Variants in RIMS2 observed in about 807,000 individuals in gnomAD.
RIMS2 encodes regulating synaptic membrane exocytosis 2, also known as regulating synaptic membrane exocytosis protein 2.
A neutral mutation model predicts 174.4 loss-of-function variants in RIMS2; 59 were observed. That is an observed-to-expected ratio of 0.34 (90% CI 0.27 to 0.42). The LOEUF is 0.42. Among genes scored for constraint, RIMS2 ranks in the 10% least tolerant of loss-of-function variants. The pLI is 1.00. For synonymous variants in RIMS2, 606 were observed against 572.5 expected, an observed-to-expected ratio of 1.06 and a Z score of -0.84; for missense variants, 1,620 against 1,666.3, an observed-to-expected ratio of 0.97 and a Z score of 0.48.
intron 16 of RIMS2, among the ~76,000 whole-genome samples, chr8:103,988,812 G>A (rs2094516986): frequency 6.6e-6 from 1 of 152,118 alleles, no homozygotes; most frequent in Non-Finnish European, 1.5e-5. Flanking sequence ...GACTGGAGTG[G>A]TATCAAGGGA....
At chr8:103,849,006 T>C (rs1564901209) in intron 3 of RIMS2, among the ~76,000 whole-genome samples, 1 of 152,096 alleles carries the variant, frequency 6.6e-6, no homozygotes, top group Non-Finnish European at 1.5e-5. Context: ...AATGCATCCA[T>C]TTGGCATTCA....
intron 20 of RIMS2, among the ~76,000 whole-genome samples, chr8:104,246,370 GTTTCC>G (rs1429394060): frequency 1.3e-5 from 2 of 148,988 alleles, no homozygotes; most frequent in African/African-American, 5.0e-5. Flanking sequence ...CTTTTCTTTT[GTTTCC>G]TTTCCTTTCC....
chr8:103,976,123 A>G (rs1452208177), intron 16 of RIMS2: 1 of 152,238 alleles, frequency 6.6e-6, no homozygotes, highest in East Asian at 1.9e-4. Context: ...AATCATCAAA[A>G]TGGCATTACA....
chr8:103,936,533 C>T lies in RIMS2; in HGVS notation c.2376-18C>T, dbSNP rs1205649921. 3 of 1,485,028 alleles carry T rather than the reference C, an allele frequency of 2.0e-6. No individual in the cohort carries two copies. The African/African-American group carries it at 4.3e-5, about 21-fold the overall frequency. The allele number at this position is 1,485,028 out of a possible 1,614,324, so 92.0% of individuals were successfully genotyped here. A position where few individuals can be genotyped will look rare whatever the true frequency, so the allele number is the denominator to read the frequency against. On this transcript the variant is annotated intron_variant, in intron 12 of 23. Coordinates refer to ENST00000504942, the Ensembl canonical transcript of RIMS2. ...TATAGTTCTATGTAAGTTCATAATT[C>T]ATTGTTTTTTTCCATAGTGATAAAA...
chr8:103,824,177 A>T (rs1274915480), intron 3 of RIMS2, among the ~76,000 whole-genome samples: 1 of 152,040 alleles, frequency 6.6e-6, no homozygotes, highest in Non-Finnish European at 1.5e-5. Context: ...CATTTTCTTT[A>T]TTGAAAGAAG....
intron 19 of RIMS2, among the ~76,000 whole-genome samples, chr8:104,157,272 G>A (rs1390099064): frequency 6.6e-6 from 1 of 152,170 alleles, no homozygotes; most frequent in Non-Finnish European, 1.5e-5. Flanking sequence ...GGCTCGGCAT[G>A]TAGCTAAGAA....
chr8:104,033,621 T>G (rs1357361504), intron 19 of RIMS2, among the ~76,000 whole-genome samples: 1 of 152,060 alleles, frequency 6.6e-6, no homozygotes, highest in Non-Finnish European at 1.5e-5. Flanking sequence ...ATTATAGTTT[T>G]TTTTTTGTTT....
At chr8:103,680,856 A>G (rs1352487562) in intron 1 of RIMS2, among the ~76,000 whole-genome samples, 1 of 151,992 alleles carries the variant, frequency 6.6e-6, no homozygotes, top group Non-Finnish European at 1.5e-5. Context: ...AATGAGAGAA[A>G]ACTAGAATAT....
intron 2 of RIMS2, among the ~76,000 whole-genome samples, chr8:103,715,586 C>T (rs539360546): frequency 3.3e-5 from 5 of 152,034 alleles, no homozygotes; most frequent in Admixed American, 6.6e-5. Flanking sequence ...TCACTGTTAT[C>T]GTTACTTTAT....
At chr8:104,238,335 A>G (rs2099269637) in intron 19 of RIMS2, among the ~76,000 whole-genome samples, 1 of 152,054 alleles carries the variant, frequency 6.6e-6, no homozygotes, top group Non-Finnish European at 1.5e-5. Flanking sequence ...CATTAAGACA[A>G]ATACCTAATA....
chr8:104,138,636 G>A lies in RIMS2; in HGVS notation c.3335-106280G>A, dbSNP rs141444862. 2.0e-5 allele frequency among the ~76,000 whole-genome samples: 3 copies of A among 152,070 alleles called. No homozygotes were observed. In the East Asian group the frequency reaches 5.8e-4, roughly 29 times the overall value. On this transcript the variant is annotated intron_variant, in intron 19 of 23. Coordinates refer to ENST00000504942, the Ensembl canonical transcript of RIMS2. ...AAATTGGATTATTACATTTTTTCCT[G>A]TTGACTGAACTCCTTGTATATTCTG...
At chr8:104,122,398 A>C (rs2098387457) in intron 19 of RIMS2, among the ~76,000 whole-genome samples, 1 of 152,134 alleles carries the variant, frequency 6.6e-6, no homozygotes, top group Admixed American at 6.6e-5. Context: ...AGTTCCCTCA[A>C]ACATATAGGG....
chr8:103,682,199 C>T (rs777608710), intron 1 of RIMS2, among the ~76,000 whole-genome samples: 1 of 151,948 alleles, frequency 6.6e-6, no homozygotes, highest in Non-Finnish European at 1.5e-5. Context: ...GAGGAAAAGT[C>T]TGAACTAGAG....
Position 103,910,319 on chromosome 8 carries a change from A to G in RIMS2, c.1692+118A>G. The G allele has an allele frequency of 6.5e-7, 1 of 1,535,992 alleles. No individual in the cohort carries two copies. The highest frequency in any genetic ancestry group is 8.9e-7 in the Non-Finnish European group (1 of 1,125,506). On this transcript the variant is annotated intron_variant, in intron 5 of 23. Coordinates refer to ENST00000504942, the Ensembl canonical transcript of RIMS2. Reference sequence around the variant, plus strand: ...TTTTTTTTTTTTATCCCATACCTGTAGGGGACAGTCAAAAGGGAAAAAGAA... The same window carrying G: ...TTTTTTTTTTTTATCCCATACCTGTGGGGGACAGTCAAAAGGGAAAAAGAA...
At chr8:103,611,406 G>T (rs1199871249) in intron 1 of RIMS2, among the ~76,000 whole-genome samples, 4 of 151,912 alleles carry the variant, frequency 2.6e-5, no homozygotes. Context: ...TGAGTTTTGT[G>T]TTTTCAGATG....
intron 19 of RIMS2, among the ~76,000 whole-genome samples, chr8:104,132,736 T>C (rs556560426): frequency 6.6e-6 from 1 of 152,276 alleles, no homozygotes; most frequent in South Asian, 2.1e-4. Context: ...TCTGAAAGAA[T>C]TGAGCAAAAC....
intron 1 of RIMS2, among the ~76,000 whole-genome samples, chr8:103,574,293 T>C (rs2093049483): frequency 6.6e-6 from 1 of 152,184 alleles, no homozygotes; most frequent in Non-Finnish European, 1.5e-5. Flanking sequence ...ATAATAATTC[T>C]GGTATGGAGT....
chr8:103,545,366 A>G (rs1246698287), intron 1 of RIMS2, among the ~76,000 whole-genome samples: 1 of 152,204 alleles, frequency 6.6e-6, no homozygotes, highest in Non-Finnish European at 1.5e-5. Context: ...TCTGAGAAAT[A>G]TGGGATTATG....
chr8:103,580,916 G>A lies in RIMS2; in HGVS notation c.176+79854G>A, dbSNP rs546276020. Among the ~76,000 whole-genome samples the A allele has an allele frequency of 6.3e-4, 88 of 139,926 alleles. 3 individuals are homozygous for A. The South Asian group carries it at 0.018, about 29-fold the overall frequency. The allele number at this position is 139,926 out of a possible 152,430, so 91.8% of individuals were successfully genotyped here. A position where few individuals can be genotyped will look rare whatever the true frequency, so the allele number is the denominator to read the frequency against. On this transcript the variant is annotated intron_variant, in intron 1 of 23. Transcript: ENST00000504942. ...ACTATCTTGGCTCACTGCAAGCTCC[G>A]CCTCCTGGGTTCACGCCATTCTCCT...
Sources: allele counts gnomAD v4.1 joint callset (sites outside exome capture counted in the v4.1 genomes callset), GRCh38; gene constraint gnomAD v4.1.1; transcripts MANE v1.5; gene names NCBI Gene and HGNC (gene_info 2026-07-23, HGNC 2026-07-21).